The following PRICKLE1 variants were observed in gnomAD, a reference collection of about 807,000 sequenced individuals.
PRICKLE1 encodes the protein prickle-like protein 1.
A neutral mutation model predicts 70.2 loss-of-function variants in PRICKLE1; 14 were observed. The observed-to-expected ratio is 0.20, with a 90% CI of 0.13 to 0.31. The LOEUF is 0.31. PRICKLE1 is among the 10% of genes least tolerant of loss of function. The pLI is 1.00. For synonymous variants in PRICKLE1, 357 were observed against 379.9 expected (o/e 0.94, Z 0.70); for missense variants, 821 against 1,026.2 (o/e 0.80, Z 2.73).
intron 1 of PRICKLE1, among the ~76,000 whole-genome samples, chr12:42,518,892 T>G (rs1175093445): frequency 6.6e-6 from 1 of 152,212 alleles, no homozygotes; most frequent in Non-Finnish European, 1.5e-5. Flanking sequence ...GTAAATGTTA[T>G]AACATGGTTA....
At position 42,470,331 on chromosome 12, in the gene PRICKLE1, T is replaced by C. The variant is rs747418341; in HGVS notation, c.161A>G (p.Glu54Gly). ...GCTGTTAACGTAAGGAACTTTTTCCTCTGGTAAGCAAGCAAAATAGAGCTG... is the reference window on the plus strand; with the variant it reads ...GCTGTTAACGTAAGGAACTTTTTCCCCTGGTAAGCAAGCAAAATAGAGCTG... ...QIQLYFACLP[E>G]EKVPYVNSPG... is the part of the protein sequence containing the mutation. Residue 54 changes from glutamate to glycine, a missense_variant, in exon 3 of 8, where the codon GAG becomes GGG. By Grantham distance (98) the Glu-to-Gly change is moderately conservative. Coordinates refer to ENST00000345127, the MANE Select transcript of PRICKLE1 (RefSeq NM_153026.3). The C allele has an allele frequency of 5.0e-6, 8 of 1,613,794 alleles. No individual in the cohort carries two copies.
chr12:42,549,220 T>C (rs576546380), intron 1 of PRICKLE1, among the ~76,000 whole-genome samples: 2 of 151,392 alleles, frequency 1.3e-5, no homozygotes, highest in East Asian at 3.9e-4. Flanking sequence ...AACAATTTGC[T>C]ACCCGCCCAG....
chr12:42,549,305 G>A (rs918425983), intron 1 of PRICKLE1, among the ~76,000 whole-genome samples: 3 of 151,934 alleles, frequency 2.0e-5, no homozygotes, highest in African/African-American at 7.3e-5. Flanking sequence ...ACATCAAACT[G>A]GCCATAGCTG....
intron 1 of PRICKLE1, among the ~76,000 whole-genome samples, chr12:42,588,630 T>G (rs1249232266): frequency 6.6e-6 from 1 of 152,106 alleles, no homozygotes; most frequent in Non-Finnish European, 1.5e-5. Context: ...CTTGTGATCC[T>G]GAACCCTCCT....
chr12:42,473,588 G>A (rs190469049), intron 1 of PRICKLE1, among the ~76,000 whole-genome samples: 71 of 152,252 alleles, frequency 4.7e-4, no homozygotes, highest in Middle Eastern at 6.8e-3. Flanking sequence ...AGAACCAGAT[G>A]GAGAGATGGA....
Position 42,472,454 on chromosome 12 carries a change from T to C in PRICKLE1, c.63A>G (p.Thr21=). 1 of 1,614,202 alleles carries C rather than the reference T, an allele frequency of 6.2e-7. No individual in the cohort carries two copies. The highest frequency in any genetic ancestry group is 8.5e-7 in the Non-Finnish European group (1 of 1,180,034). ...KLAFGCQRSS[T]SDDDSGCALE... is the part of the protein sequence containing the mutation. ...ATGCACAGCCAGAGTCATCATCTGA[T>C]GTGGAACTTCTCTGACAGCCAAAGG... is the stretch of plus-strand genomic sequence containing the variant. The change falls in exon 2 of 8, where the codon ACA becomes ACG. Residue 21 remains threonine (T), a synonymous_variant. Transcript: ENST00000345127.
intron 1 of PRICKLE1, among the ~76,000 whole-genome samples, chr12:42,533,855 C>A (rs1000197039): frequency 6.6e-6 from 1 of 152,136 alleles, no homozygotes; most frequent in Admixed American, 6.5e-5. Flanking sequence ...CCTCACAACT[C>A]CCCTCCCACA....
At chr12:42,478,572 G>C (rs948160942) in intron 1 of PRICKLE1, among the ~76,000 whole-genome samples, 1 of 152,146 alleles carries the variant, frequency 6.6e-6, no homozygotes. Flanking sequence ...TAATTCTCTA[G>C]CAGGTTCATG....
At chr12:42,520,224 C>T (rs1274283186) in intron 1 of PRICKLE1, among the ~76,000 whole-genome samples, 3 of 152,166 alleles carry the variant, frequency 2.0e-5, no homozygotes, top group Admixed American at 6.6e-5. Context: ...ATGTAATCTC[C>T]ACTGGAGAAC....
intron 3 of PRICKLE1, 54 bp downstream of exon 3, chr12:42,470,192 T>G: frequency 8.0e-7 from 1 of 1,251,888 alleles, no homozygotes; most frequent in Non-Finnish European, 1.2e-6. Context: ...ATCTCAATGC[T>G]TCTCATGCAT....
intron 1 of PRICKLE1, among the ~76,000 whole-genome samples, chr12:42,540,460 T>C (rs1183821996): frequency 2.0e-5 from 3 of 152,242 alleles, no homozygotes; most frequent in East Asian, 1.9e-4. Flanking sequence ...ATGGCACTTA[T>C]AGTAAACAAA....
chr12:42,510,477 T>G (rs1939491970), intron 1 of PRICKLE1, among the ~76,000 whole-genome samples: 1 of 152,190 alleles, frequency 6.6e-6, no homozygotes, highest in African/African-American at 2.4e-5. Flanking sequence ...GAGAACTGCT[T>G]AAGGCCAGGA....
At chr12:42,556,075 A>C (rs529788558) in intron 1 of PRICKLE1, among the ~76,000 whole-genome samples, 29 of 152,216 alleles carry the variant, frequency 1.9e-4, no homozygotes, top group Non-Finnish European at 3.7e-4. Context: ...TATTTTCTGT[A>C]ATTCAGGCAT....
At chr12:42,561,348 T>C (rs1285685189) in intron 1 of PRICKLE1, among the ~76,000 whole-genome samples, 1 of 152,232 alleles carries the variant, frequency 6.6e-6, no homozygotes, top group Non-Finnish European at 1.5e-5. Flanking sequence ...ACATCACTTT[T>C]CTGACCTTCT....
chr12:42,461,698 T>C (rs1211246315), intron 7 of PRICKLE1, among the ~76,000 whole-genome samples: 2 of 152,244 alleles, frequency 1.3e-5, no homozygotes, highest in African/African-American at 2.4e-5. Context: ...ACAAAACAGA[T>C]ATTGATCTCT....
intron 1 of PRICKLE1, among the ~76,000 whole-genome samples, chr12:42,514,891 A>T (rs1459689916): frequency 2.8e-5 from 1 of 35,596 alleles, no homozygotes; most frequent in Non-Finnish European, 6.0e-5. Context: ...GGCTCGCTCT[A>T]TCTATCTATC....
intron 1 of PRICKLE1, among the ~76,000 whole-genome samples, chr12:42,478,778 A>T (rs1246932570): frequency 6.6e-6 from 1 of 151,914 alleles, no homozygotes; most frequent in Non-Finnish European, 1.5e-5. Flanking sequence ...ATTCCATGCA[A>T]TAGAAAATGG....
At chr12:42,519,193 CTTT>C (rs11342397) in intron 1 of PRICKLE1, among the ~76,000 whole-genome samples, 2,737 of 99,148 alleles carry the variant, frequency 0.028, 65 homozygotes, top group East Asian at 0.15. Context: ...CCTTTTTTTC[CTTT>C]TTTTTTTTTT....
rs375498146 is a variant in PRICKLE1 at position 42,571,537 on chromosome 12, A to G, written c.-49+17928T>C. ...GGGTTGGTCTTGTCTGAGGAAGCAG[A>G]TGAACTCCCTGGTCCCAGGCCTTGG... On this transcript the variant is annotated intron_variant, in intron 1 of 7. Transcript: ENST00000345127. Among the ~76,000 whole-genome samples, 31 of 152,302 alleles carry G rather than the reference A, an allele frequency of 2.0e-4. No individual in the cohort carries two copies. The East Asian group carries it at 5.8e-3, about 28-fold the overall frequency.
Sources: gnomAD v4.1 joint callset for allele counts (sites outside exome capture counted in the v4.1 genomes callset) on GRCh38, gnomAD v4.1.1 for gene constraint, MANE v1.5 for transcripts, NCBI Gene and HGNC (gene_info 2026-07-23, HGNC 2026-07-21) for gene names.